Variants in NKAIN3 observed in about 807,000 individuals in gnomAD.
The protein encoded by NKAIN3 is sodium/potassium transporting ATPase interacting 3, also known as sodium/potassium-transporting ATPase subunit beta-1-interacting protein 3.
In NKAIN3, 25 loss-of-function variants were observed where a neutral mutation model predicts 30.2. That is an observed-to-expected ratio of 0.83 (90% CI 0.60 to 1.16). The LOEUF (loss-of-function observed/expected upper bound fraction) is 1.16. NKAIN3 is among the 50% of genes most tolerant of loss of function. The pLI, the probability that NKAIN3 is intolerant of heterozygous loss-of-function variation, is 0.00. For synonymous variants in NKAIN3, 91 were observed against 89.6 expected (o/e 1.02, Z -0.09); for missense variants, 225 against 254.1 (o/e 0.89, Z 0.78).
At chr8:62,924,896 G>T (rs1156737767) in intron 5 of NKAIN3, among the ~76,000 whole-genome samples, 1 of 152,044 alleles carries the variant, frequency 6.6e-6, no homozygotes, top group Non-Finnish European at 1.5e-5. Flanking sequence ...GCTCTCTGAG[G>T]TCTCTTTTAT....
chr8:62,355,018 T>C (rs772906231), intron 1 of NKAIN3, among the ~76,000 whole-genome samples: 1 of 152,198 alleles, frequency 6.6e-6, no homozygotes, highest in Non-Finnish European at 1.5e-5. Flanking sequence ...ACTGCCTCTA[T>C]CTTCTCAGGC....
At chr8:62,335,432 C>CAAA (rs5891845) in intron 1 of NKAIN3, among the ~76,000 whole-genome samples, 38 of 81,970 alleles carry the variant, frequency 4.6e-4, no homozygotes, top group Middle Eastern at 5.0e-3. Flanking sequence ...GACTCTGTCT[C>CAAA]AAAAAAAAAA....
At position 62,393,809 on chromosome 8, in the gene NKAIN3, T is replaced by A. The variant is rs369327935; in HGVS notation, c.54+144682T>A. Among the ~76,000 whole-genome samples, 196 of 152,250 alleles carry A rather than the reference T, an allele frequency of 1.3e-3. No homozygotes were observed. In the South Asian group the frequency reaches 0.014, roughly 11 times the overall value. On this transcript the variant is annotated intron_variant, in intron 1 of 6. Transcript: ENST00000623646. ...GTTTTCAGTTCACAGACATTGCACA[T>A]CTTTTTGTTAAATTTATTTGTAAGA...
intron 1 of NKAIN3, among the ~76,000 whole-genome samples, chr8:62,354,063 G>A (rs1816269512): frequency 6.6e-6 from 1 of 152,130 alleles, no homozygotes; most frequent in Non-Finnish European, 1.5e-5. Flanking sequence ...TTTTGAAAAT[G>A]GAAAGCATAC....
At chr8:62,661,698 C>G (rs1032568465) in intron 3 of NKAIN3, among the ~76,000 whole-genome samples, 9 of 152,184 alleles carry the variant, frequency 5.9e-5, no homozygotes, top group African/African-American at 2.2e-4. Flanking sequence ...TCCCATGTCT[C>G]ATATAAGGGC....
chr8:62,870,805 G>C (rs996594561), intron 4 of NKAIN3, among the ~76,000 whole-genome samples: 1 of 148,350 alleles, frequency 6.7e-6, no homozygotes, highest in Non-Finnish European at 1.5e-5. Context: ...CTGTCCCTCT[G>C]GAATGCCCTG....
At position 62,895,981 on chromosome 8, in the gene NKAIN3, C is replaced by T. The variant is rs554390489; in HGVS notation, c.472-22472C>T. On this transcript the variant is annotated intron_variant, in intron 4 of 6. Transcript: ENST00000623646. ...TTATCACCATCCTGAAGCCTAGATC[C>T]TGGCTTTTTTTTTCTTTTTTTGCTT... 2.1e-3 allele frequency among the ~76,000 whole-genome samples: 170 copies of T among 79,194 alleles called. 1 individual carries two copies. Among genetic ancestry groups the T allele is most frequent in the African/African-American group, 0.012 (166 of 13,722 alleles). 52.0% of individuals were successfully genotyped at this position (79,194 alleles called of 152,430 possible).
At chr8:62,572,984 G>C (rs148563891) in intron 1 of NKAIN3, among the ~76,000 whole-genome samples, 2 of 152,138 alleles carry the variant, frequency 1.3e-5, no homozygotes, top group East Asian at 3.9e-4. Context: ...CATTTCTTGC[G>C]TTACTGGGAG....
chr8:62,548,980 G>T (rs1809106860), intron 1 of NKAIN3, among the ~76,000 whole-genome samples: 1 of 152,192 alleles, frequency 6.6e-6, no homozygotes, highest in Non-Finnish European at 1.5e-5. Context: ...GCATCATTAG[G>T]TATCATTCTT....
At chr8:62,299,664 A>T (rs2129587855) in intron 1 of NKAIN3, among the ~76,000 whole-genome samples, 1 of 152,268 alleles carries the variant, frequency 6.6e-6, no homozygotes, top group East Asian at 1.9e-4. Context: ...TGACTCAAAA[A>T]AAAAGGAACA....
chr8:62,949,355 G>A (rs938538855), intron 5 of NKAIN3, among the ~76,000 whole-genome samples: 1 of 152,142 alleles, frequency 6.6e-6, no homozygotes, highest in East Asian at 1.9e-4. Context: ...TATTGGTTGT[G>A]TATTTTTTTA....
chr8:62,397,784 G>C (rs1487821230), intron 1 of NKAIN3, among the ~76,000 whole-genome samples: 1 of 152,160 alleles, frequency 6.6e-6, no homozygotes, highest in East Asian at 1.9e-4. Context: ...CAGCTGTCTT[G>C]TGCTACTGTG....
intron 4 of NKAIN3, among the ~76,000 whole-genome samples, chr8:62,821,223 C>T (rs1818839306): frequency 1.3e-5 from 2 of 152,038 alleles, no homozygotes; most frequent in Non-Finnish European, 2.9e-5. Flanking sequence ...CCCTGCCAAA[C>T]GTGAGAATCT....
At chr8:62,991,789 T>C (rs1824324975) in intron 5 of NKAIN3, among the ~76,000 whole-genome samples, 1 of 152,228 alleles carries the variant, frequency 6.6e-6, no homozygotes, top group East Asian at 1.9e-4. Flanking sequence ...ATATCTCCTG[T>C]TAATGCAATA....
chr8:62,338,811 CT>C (rs1315631265), intron 1 of NKAIN3, among the ~76,000 whole-genome samples: 2 of 151,902 alleles, frequency 1.3e-5, no homozygotes, highest in African/African-American at 2.4e-5. Flanking sequence ...GTTTTACTGC[CT>C]GCTTTATATT....
At chr8:62,914,335 GC>G (rs1482795852) in intron 4 of NKAIN3, among the ~76,000 whole-genome samples, 8 of 152,068 alleles carry the variant, frequency 5.3e-5, no homozygotes, top group Non-Finnish European at 1.2e-4. Flanking sequence ...AGACACTGGG[GC>G]CTACTTGAGG....
chr8:62,714,491 G>A (rs1381439188), intron 3 of NKAIN3, among the ~76,000 whole-genome samples: 1 of 151,982 alleles, frequency 6.6e-6, no homozygotes, highest in East Asian at 1.9e-4. Context: ...CAGAAAATCT[G>A]CTAAACACTT....
At chr8:62,740,678 C>T (rs1348597768) in intron 3 of NKAIN3, among the ~76,000 whole-genome samples, 1 of 151,750 alleles carries the variant, frequency 6.6e-6, no homozygotes, top group Admixed American at 6.6e-5. Context: ...TCTAATATAG[C>T]AACCACACTT....
chr8:62,633,555 C>G (rs989399159), intron 3 of NKAIN3, among the ~76,000 whole-genome samples: 1 of 152,162 alleles, frequency 6.6e-6, no homozygotes, highest in African/African-American at 2.4e-5. Context: ...TCAGTGGCTG[C>G]AGGAGAGAGG....
Sources: gnomAD v4.1 joint callset for allele counts (sites outside exome capture counted in the v4.1 genomes callset) on GRCh38, gnomAD v4.1.1 for gene constraint, MANE v1.5 for transcripts, NCBI Gene and HGNC (gene_info 2026-07-23, HGNC 2026-07-21) for gene names.